Variants in SLC20A2 observed in about 807,000 individuals in gnomAD.
SLC20A2 encodes sodium-dependent phosphate transporter 2.
In SLC20A2, 30 loss-of-function variants were observed where a neutral mutation model predicts 61.0. The ratio of observed to expected loss-of-function variants is 0.49; its 90% CI spans 0.37 to 0.67. The LOEUF is 0.67. Ranked by LOEUF, SLC20A2 falls within the 30% of genes least tolerant of loss-of-function variation. The pLI is 0.00. For missense variants in SLC20A2, 626 were observed against 866.4 expected (o/e 0.72, Z 3.48); for synonymous variants, 351 against 353.3 (o/e 0.99, Z 0.07).
chr8:42,472,693 A>G lies in SLC20A2; in HGVS notation c.-264-39T>C, dbSNP rs562005602. The G allele has an allele frequency of 6.5e-6, 2 of 308,120 alleles. No homozygotes were observed. The highest frequency in any genetic ancestry group is 7.0e-5 in the East Asian group (1 of 14,320). 19.1% of individuals were successfully genotyped at this position (308,120 alleles called of 1,614,324 possible). On this transcript the variant is annotated intron_variant, in intron 1 of 10. Coordinates refer to ENST00000520262, the MANE Select transcript of SLC20A2 (RefSeq NM_001257180.2). The surrounding 1 kb of genome is among the most constrained non-coding windows in gnomAD (Gnocchi z 4.1). ...GAAACAAAAGAAATCAATTATACTCAGCAACCTGTAACAGTTTGTTCTTTC... is the reference window on the plus strand; with the variant it reads ...GAAACAAAAGAAATCAATTATACTCGGCAACCTGTAACAGTTTGTTCTTTC...
intron 3 of SLC20A2, among the ~76,000 whole-genome samples, chr8:42,465,261 T>C (rs1283487704): frequency 2.6e-5 from 4 of 151,818 alleles, no homozygotes; most frequent in Admixed American, 6.6e-5. Flanking sequence ...TGAACCATGT[T>C]GGCCAGGCTG....
At chr8:42,444,542 C>G in intron 6 of SLC20A2, 104 bp downstream of exon 6, 2 of 857,552 alleles carry the variant, frequency 2.3e-6, no homozygotes, top group Non-Finnish European at 3.9e-6. Context: ...CTGGAGTCAC[C>G]CACACTTCCA....
At chr8:42,519,261 T>C (rs996039225) in intron 1 of SLC20A2, among the ~76,000 whole-genome samples, 2 of 152,080 alleles carry the variant, frequency 1.3e-5, no homozygotes, top group Admixed American at 6.5e-5. Flanking sequence ...CTGGCCAACA[T>C]GGTGAAACCC....
intron 1 of SLC20A2, among the ~76,000 whole-genome samples, chr8:42,532,728 G>C (rs944442980): frequency 6.6e-6 from 1 of 152,202 alleles, no homozygotes; most frequent in Non-Finnish European, 1.5e-5. Context: ...GTGGAGACGA[G>C]AAGGAACCAG....
intron 1 of SLC20A2, among the ~76,000 whole-genome samples, chr8:42,496,589 G>A (rs1183221729): frequency 1.3e-5 from 2 of 152,212 alleles, no homozygotes; most frequent in Non-Finnish European, 1.5e-5. Flanking sequence ...CCATTCCAAT[G>A]GAATTAGAAT....
intron 5 of SLC20A2, among the ~76,000 whole-genome samples, chr8:42,448,075 C>T (rs1441470021): frequency 3.3e-5 from 5 of 152,214 alleles, no homozygotes; most frequent in Non-Finnish European, 5.9e-5. Context: ...AAGGATTGCA[C>T]CAAAGCTGGT....
rs564882222 is a variant in SLC20A2 at position 42,496,045 on chromosome 8, C to T, written c.-265+4986G>A. 5.3e-5 allele frequency among the ~76,000 whole-genome samples: 8 copies of T among 152,334 alleles called. No homozygotes were observed. In the South Asian group the frequency reaches 1.0e-3, roughly 20 times the overall value. On this transcript the variant is annotated intron_variant, in intron 1 of 10. Coordinates refer to ENST00000520262, the MANE Select transcript of SLC20A2 (RefSeq NM_001257180.2). ...GAATACAGGCGTGAGCCACCACACC[C>T]GGCCAGATCCCATTTTCAAGTGCTG... is the stretch of plus-strand genomic sequence containing the variant.
intron 6 of SLC20A2, among the ~76,000 whole-genome samples, chr8:42,442,230 G>A (rs1188537787): frequency 1.3e-5 from 2 of 152,184 alleles, no homozygotes; most frequent in Non-Finnish European, 2.9e-5. Context: ...ACCATGCCTG[G>A]CCCAACTTGT....
At chr8:42,449,841 T>C (rs1222626656) in intron 5 of SLC20A2, among the ~76,000 whole-genome samples, 1 of 152,238 alleles carries the variant, frequency 6.6e-6, no homozygotes, top group Non-Finnish European at 1.5e-5. Flanking sequence ...ACAGACACCA[T>C]GTCGAACATT....
At chr8:42,427,816 T>C (rs1026869469) in intron 10 of SLC20A2, among the ~76,000 whole-genome samples, 1 of 152,112 alleles carries the variant, frequency 6.6e-6, no homozygotes, top group Non-Finnish European at 1.5e-5. Flanking sequence ...TGTGAGTAAA[T>C]AGAAACGTGG....
intron 1 of SLC20A2, among the ~76,000 whole-genome samples, chr8:42,520,804 G>A (rs1811598322): frequency 8.4e-6 from 1 of 118,768 alleles, no homozygotes; most frequent in Non-Finnish European, 2.0e-5. Context: ...TGTACTGTCT[G>A]AGAACGGTAA....
At chr8:42,452,997 A>G (rs1196837933) in intron 5 of SLC20A2, among the ~76,000 whole-genome samples, 1 of 152,174 alleles carries the variant, frequency 6.6e-6, no homozygotes, top group East Asian at 1.9e-4. Context: ...AGGCTCCCCT[A>G]TTAAACCACA....
intron 1 of SLC20A2, among the ~76,000 whole-genome samples, chr8:42,529,517 C>T (rs1228201690): frequency 1.1e-5 from 1 of 89,632 alleles, no homozygotes; most frequent in South Asian, 4.0e-4. Context: ...GAAACTGTTA[C>T]TATTAATAGC....
chr8:42,520,187 T>A (rs1356380683), intron 1 of SLC20A2, among the ~76,000 whole-genome samples: 2 of 151,210 alleles, frequency 1.3e-5, no homozygotes, highest in Non-Finnish European at 2.9e-5. Flanking sequence ...TTAATTTTTG[T>A]ATTTTTAGTA....
intron 1 of SLC20A2, among the ~76,000 whole-genome samples, chr8:42,523,511 G>GA (rs1386709896): frequency 1.3e-5 from 2 of 152,106 alleles, no homozygotes; most frequent in African/African-American, 4.8e-5. Flanking sequence ...TAATTTTAAA[G>GA]ATCAAGTGAA....
intron 1 of SLC20A2, among the ~76,000 whole-genome samples, chr8:42,514,114 C>G (rs1292852593): frequency 2.0e-5 from 3 of 152,192 alleles, no homozygotes; most frequent in Admixed American, 6.5e-5. Context: ...ACATTAAAAT[C>G]TCCTGAGAAG....
chr8:42,442,665 C>T (rs1226386043), intron 6 of SLC20A2, among the ~76,000 whole-genome samples: 1 of 152,208 alleles, frequency 6.6e-6, no homozygotes, highest in Non-Finnish European at 1.5e-5. Context: ...ATTGTTCCAG[C>T]TCATCTAGTT....
chr8:42,462,969 T>A, intron 4 of SLC20A2, 36 bp downstream of exon 4: 1 of 1,323,520 alleles, frequency 7.6e-7, no homozygotes, highest in Non-Finnish European at 1.1e-6. Context: ...CAAAAATAGT[T>A]CTTAAGATTT....
intron 1 of SLC20A2, among the ~76,000 whole-genome samples, chr8:42,524,096 G>A (rs1470811802): frequency 6.6e-6 from 1 of 152,102 alleles, no homozygotes; most frequent in Non-Finnish European, 1.5e-5. Context: ...TTCTGCTGGT[G>A]GACAGAATCT....
Sources: gnomAD v4.1 joint callset for allele counts (sites outside exome capture counted in the v4.1 genomes callset) on GRCh38, gnomAD v4.1.1 for gene constraint, Gnocchi (gnomAD v3.1) non-coding constraint, MANE v1.5 for transcripts, NCBI Gene and HGNC (gene_info 2026-07-23, HGNC 2026-07-21) for gene names.